DNAJC25: variants seen among roughly 807,000 people sequenced by gnomAD.
DNAJC25 encodes the protein dnaJ homolog subfamily C member 25.
DNAJC25 carries 26 observed loss-of-function variants against 42.1 expected under a neutral mutation model. That is an observed-to-expected ratio of 0.62 (90% CI 0.45 to 0.86). The LOEUF (loss-of-function observed/expected upper bound fraction) is 0.86, where lower values mean the gene tolerates loss of function less well. DNAJC25 is among the 40% of genes least tolerant of loss of function. The pLI is 0.00. For missense variants in DNAJC25, 404 were observed against 459.4 expected (o/e 0.88, Z 1.10); for synonymous variants, 189 against 179.9 (o/e 1.05, Z -0.40).
chr9:111,631,429 C>G lies in DNAJC25; in HGVS notation c.22C>G (p.Pro8Ala). The G allele has an allele frequency of 7.7e-7, 1 of 1,297,238 alleles. No homozygotes were observed. The highest frequency in any genetic ancestry group is 9.7e-7 in the Non-Finnish European group (1 of 1,027,880). The allele number at this position is 1,297,238 out of a possible 1,614,324, so 80.4% of individuals were successfully genotyped here. MGAPLLSPGWGAGAAGRR... is the reference protein window; with the variant it reads MGAPLLSAGWGAGAAGRR... ...GGGGATGGGGGCGCCGCTGCTCTCT[C>G]CCGGCTGGGGAGCCGGGGCTGCCGG... Residue 8 changes from proline (P) to alanine (A), a missense_variant, in exon 1 of 4, where the codon CCC becomes GCC. Pro to Ala is a conservative substitution (Grantham distance 27, BLOSUM62 -1). Coordinates refer to ENST00000313525, the MANE Select transcript of DNAJC25 (RefSeq NM_001015882.3).
chr9:111,642,639 AAATAAAAAATAAATG>A (rs1830497811), intron 1 of DNAJC25, among the ~76,000 whole-genome samples: 1 of 150,328 alleles, frequency 6.7e-6, no homozygotes, highest in Non-Finnish European at 1.5e-5. Flanking sequence ...ATAAATAAAT[AAATAAAAAATAAATG>A]TAAAACTAGC....
intron 1 of DNAJC25, among the ~76,000 whole-genome samples, chr9:111,643,733 TAAA>T (rs376492392): frequency 7.1e-6 from 1 of 140,034 alleles, no homozygotes; most frequent in Admixed American, 7.1e-5. Context: ...CACTGGAGAT[TAAA>T]AAAAAAAAAA....
At chr9:111,641,989 G>GT (rs1830480715) in intron 1 of DNAJC25, among the ~76,000 whole-genome samples, 1 of 125,958 alleles carries the variant, frequency 7.9e-6, no homozygotes, top group Non-Finnish European at 1.7e-5. Context: ...GAGGTGGGGG[G>GT]GGTCAGCCCC....
intron 1 of DNAJC25, among the ~76,000 whole-genome samples, chr9:111,638,879 A>C (rs569106316): frequency 6.6e-6 from 1 of 151,778 alleles, no homozygotes; most frequent in East Asian, 1.9e-4. Flanking sequence ...GCAGCATACA[A>C]GATCCTCAAC....
chr9:111,642,837 A>C, intron 1 of DNAJC25: 1 of 470,836 alleles, frequency 2.1e-6, no homozygotes, highest in Non-Finnish European at 4.4e-6. Flanking sequence ...CTTTTGATCT[A>C]GATATTGGTT....
chr9:111,653,178 A>G lies in DNAJC25; in HGVS notation c.1039A>G (p.Met347Val). 1 of 1,602,254 alleles carries G rather than the reference A, an allele frequency of 6.2e-7. No homozygotes were observed. Among genetic ancestry groups the G allele is most frequent in the Non-Finnish European group, 8.5e-7 (1 of 1,173,146 alleles). Reference protein sequence around the residue: ...DPRWKRYRRWMKNEGPGRLTF... With the variant: ...DPRWKRYRRWVKNEGPGRLTF... ...CAGATGGAAGAGATACAGGAGATGG[A>G]TGAAGAATGAAGGGCCTGGGCGGTT... is the stretch of plus-strand genomic sequence containing the variant. The change falls in exon 4 of 4, where the codon ATG becomes GTG. Residue 347 changes from methionine (M) to valine (V), a missense_variant. Physicochemically the swap from Met to Val is conservative, Grantham distance 21 (BLOSUM62 1). Transcript: ENST00000313525.
At chr9:111,645,791 A>G (rs1830560594) in intron 1 of DNAJC25, among the ~76,000 whole-genome samples, 1 of 147,770 alleles carries the variant, frequency 6.8e-6, no homozygotes, top group Admixed American at 6.6e-5. Flanking sequence ...TCTAAGATAA[A>G]AAAAACTTTT....
intron 3 of DNAJC25, among the ~76,000 whole-genome samples, chr9:111,650,311 A>C (rs111523910): frequency 0.07 from 10,143 of 144,970 alleles, 404 homozygotes; most frequent in African/African-American, 0.1. Context: ...AAAAAAAAAA[A>C]AAACAACAGA....
In DNAJC25 at chr9:111,653,419, TA is replaced by T. The variant is rs1365830844; in HGVS notation, c.*198del. 2 of 521,584 alleles carry T rather than the reference TA, an allele frequency of 3.8e-6. No individual in the cohort carries two copies. The highest frequency in any genetic ancestry group is 2.9e-6 in the Non-Finnish European group (1 of 350,510). 32.3% of individuals were successfully genotyped at this position (521,584 alleles called of 1,614,324 possible). On this transcript the variant is annotated 3_prime_UTR_variant, in exon 4 of 4. Coordinates refer to ENST00000313525, the MANE Select transcript of DNAJC25 (RefSeq NM_001015882.3). ...AAGACATTTATGATTGTTCAATTTT[TA>T]TAATCTATTTGTGGATTTTGTTAAA... is the stretch of plus-strand genomic sequence containing the variant.
intron 2 of DNAJC25, 107 bp downstream of exon 2, chr9:111,647,366 T>G (rs1488688186): frequency 7.1e-7 from 1 of 1,403,958 alleles, no homozygotes; most frequent in Non-Finnish European, 9.6e-7. Flanking sequence ...AAAATTTTAC[T>G]TCTAGTTGAG....
intron 1 of DNAJC25, among the ~76,000 whole-genome samples, chr9:111,641,509 G>T (rs1369581758): frequency 3.8e-5 from 3 of 79,804 alleles, no homozygotes; most frequent in Non-Finnish European, 6.9e-5. Context: ...CCGGCCAGCC[G>T]CCCGGTCCGG....
intron 1 of DNAJC25, chr9:111,642,904 A>G: frequency 2.1e-6 from 1 of 471,168 alleles, no homozygotes; most frequent in Non-Finnish European, 4.4e-6. Context: ...GGACACCAGC[A>G]GAAGCACCAC....
chr9:111,652,428 T>C (rs1039200722), intron 3 of DNAJC25, among the ~76,000 whole-genome samples: 10 of 149,242 alleles, frequency 6.7e-5, no homozygotes, highest in African/African-American at 9.8e-5. Flanking sequence ...GGCAGGAGAA[T>C]TGCTTGAATC....
chr9:111,635,819 C>A (rs1830354041), intron 1 of DNAJC25, among the ~76,000 whole-genome samples: 1 of 152,122 alleles, frequency 6.6e-6, no homozygotes, highest in South Asian at 2.1e-4. Context: ...GGAAGCGTTA[C>A]AACAACACTT....
intron 1 of DNAJC25, among the ~76,000 whole-genome samples, chr9:111,641,644 C>G (rs1830469688): frequency 7.1e-6 from 1 of 140,660 alleles, no homozygotes; most frequent in Admixed American, 6.9e-5. Flanking sequence ...CAGCCCCCCG[C>G]CCGGCCAGCC....
At chr9:111,638,928 A>G (rs1365456847) in intron 1 of DNAJC25, among the ~76,000 whole-genome samples, 1 of 151,400 alleles carries the variant, frequency 6.6e-6, no homozygotes, top group Non-Finnish European at 1.5e-5. Flanking sequence ...TATATTTACT[A>G]CTCGTTTCTT....
chr9:111,639,685 ATGTGTG>A (rs146132985), intron 1 of DNAJC25, among the ~76,000 whole-genome samples: 1 of 149,820 alleles, frequency 6.7e-6, no homozygotes, highest in East Asian at 1.9e-4. Context: ...TTTCAAAAAA[ATGTGTG>A]TGTGTGTGTG....
At chr9:111,640,834 T>TG (rs1284837989) in intron 1 of DNAJC25, among the ~76,000 whole-genome samples, 5 of 111,506 alleles carry the variant, frequency 4.5e-5, no homozygotes, top group Admixed American at 9.3e-5. Context: ...GGGAGGGAGG[T>TG]GGGGGGGGCC....
chr9:111,637,714 A>G (rs928560851), intron 1 of DNAJC25, among the ~76,000 whole-genome samples: 1 of 152,088 alleles, frequency 6.6e-6, no homozygotes, highest in African/African-American at 2.4e-5. Flanking sequence ...GTGACACTCT[A>G]CTCACCAGAT....
Sources: gnomAD v4.1 joint callset for allele counts (sites outside exome capture counted in the v4.1 genomes callset) on GRCh38, gnomAD v4.1.1 for gene constraint, MANE v1.5 for transcripts, NCBI Gene and HGNC (gene_info 2026-07-23, HGNC 2026-07-21) for gene names.